Variants in LHFPL3 observed in about 807,000 individuals in gnomAD.
LHFPL3 encodes the protein LHFPL tetraspan subfamily member 3 protein.
A neutral mutation model predicts 19.3 loss-of-function variants in LHFPL3; 5 were observed. That is an observed-to-expected ratio of 0.26 (90% CI 0.14 to 0.54). LHFPL3 has a LOEUF of 0.54. Ranked by LOEUF, LHFPL3 falls within the 20% of genes least tolerant of loss-of-function variation. The pLI is 0.94. For missense variants in LHFPL3, 249 were observed against 307.4 expected, an observed-to-expected ratio of 0.81 and a Z score of 1.42; for synonymous variants, 133 against 126.2, an observed-to-expected ratio of 1.05 and a Z score of -0.36.
Position 104,773,328 on chromosome 7 carries a change from C to T in LHFPL3, c.682+36417C>T, listed in dbSNP as rs193012215. Among the ~76,000 whole-genome samples the T allele has an allele frequency of 3.4e-4, 52 of 152,336 alleles. No homozygotes were observed. In the Middle Eastern group the frequency reaches 0.014, roughly 40 times the overall value. On this transcript the variant is annotated intron_variant, in intron 2 of 2. Transcript: ENST00000424859. Reference sequence around the variant, plus strand: ...AGGAAGGACTTCCTGTGCCTGGTTACAGTCAGCTCTGTAATGGGGAAGTAA... The same window carrying T: ...AGGAAGGACTTCCTGTGCCTGGTTATAGTCAGCTCTGTAATGGGGAAGTAA...
chr7:104,729,050 C>A (rs1036969471), intron 1 of LHFPL3, among the ~76,000 whole-genome samples: 2 of 152,166 alleles, frequency 1.3e-5, no homozygotes, highest in African/African-American at 4.8e-5. Context: ...AGAATTAACA[C>A]AGTGATATTT....
intron 1 of LHFPL3, among the ~76,000 whole-genome samples, chr7:104,721,886 T>C (rs576278668): frequency 2.6e-5 from 4 of 152,310 alleles, no homozygotes; most frequent in African/African-American, 7.2e-5. Flanking sequence ...AAATATTAGC[T>C]ATTATTATGA....
intron 1 of LHFPL3, among the ~76,000 whole-genome samples, chr7:104,570,026 T>C (rs878948358): frequency 9.2e-5 from 14 of 152,250 alleles, no homozygotes; most frequent in Admixed American, 8.5e-4. Context: ...TAGAGTCTTA[T>C]GCGAAAATGC....
At chr7:104,523,623 A>G (rs1252199152) in intron 1 of LHFPL3, among the ~76,000 whole-genome samples, 1 of 152,170 alleles carries the variant, frequency 6.6e-6, no homozygotes, top group Non-Finnish European at 1.5e-5. Flanking sequence ...TGTTTAGTAC[A>G]CATATAGTCA....
intron 1 of LHFPL3, among the ~76,000 whole-genome samples, chr7:104,625,497 C>T (rs1265284534): frequency 6.6e-6 from 1 of 152,162 alleles, no homozygotes; most frequent in Non-Finnish European, 1.5e-5. Context: ...AGAAAAGTAA[C>T]ACTTGGTATT....
At chr7:104,564,169 A>AT (rs1790074496) in intron 1 of LHFPL3, among the ~76,000 whole-genome samples, 1 of 152,150 alleles carries the variant, frequency 6.6e-6, no homozygotes, top group South Asian at 2.1e-4. Context: ...CAGAATCAGG[A>AT]TTTTCACTTA....
At chr7:104,687,274 G>A (rs1017425435) in intron 1 of LHFPL3, among the ~76,000 whole-genome samples, 3 of 152,222 alleles carry the variant, frequency 2.0e-5, no homozygotes, top group Non-Finnish European at 2.9e-5. Context: ...TATGGGAGAA[G>A]GGACGCAGAA....
At chr7:104,537,513 A>C (rs1794412745) in intron 1 of LHFPL3, among the ~76,000 whole-genome samples, 1 of 152,068 alleles carries the variant, frequency 6.6e-6, no homozygotes, top group Admixed American at 6.6e-5. Flanking sequence ...TAGGTGCATC[A>C]CTCATATCTG....
intron 2 of LHFPL3, among the ~76,000 whole-genome samples, chr7:104,839,574 C>T (rs777991331): frequency 8.6e-5 from 13 of 151,948 alleles, no homozygotes; most frequent in Non-Finnish European, 1.8e-4. Flanking sequence ...GAGGCTGAGG[C>T]ACAAGAGTCA....
chr7:104,603,857 T>G (rs140106866), intron 1 of LHFPL3, among the ~76,000 whole-genome samples: 2 of 152,272 alleles, frequency 1.3e-5, no homozygotes, highest in African/African-American at 4.8e-5. Flanking sequence ...GGGGTGGGGG[T>G]TGAGCCACCC....
chr7:104,504,643 T>G (rs541036067), intron 1 of LHFPL3, among the ~76,000 whole-genome samples: 50 of 152,320 alleles, frequency 3.3e-4, no homozygotes, highest in Non-Finnish European at 5.6e-4. Flanking sequence ...TTGATTCCAA[T>G]ACACACTACA....
chr7:104,557,593 A>G (rs1789873386), intron 1 of LHFPL3, among the ~76,000 whole-genome samples: 1 of 152,204 alleles, frequency 6.6e-6, no homozygotes, highest in African/African-American at 2.4e-5. Context: ...CAGCCAAACC[A>G]TATCAGCATC....
At chr7:104,707,997 T>C (rs1249071802) in intron 1 of LHFPL3, among the ~76,000 whole-genome samples, 4 of 152,202 alleles carry the variant, frequency 2.6e-5, no homozygotes, top group Non-Finnish European at 4.4e-5. Flanking sequence ...CTAGAATACA[T>C]CAGCAGTCAA....
intron 1 of LHFPL3, among the ~76,000 whole-genome samples, chr7:104,608,726 C>G (rs1213622997): frequency 6.6e-6 from 1 of 152,070 alleles, no homozygotes. Flanking sequence ...GGAGCATGCC[C>G]TTGTTTTTTT....
At chr7:104,434,534 C>A (rs535906053) in intron 1 of LHFPL3, among the ~76,000 whole-genome samples, 2 of 152,060 alleles carry the variant, frequency 1.3e-5, no homozygotes, top group South Asian at 2.1e-4. Flanking sequence ...TATTTTCAAC[C>A]AAAAAAAGTG....
chr7:104,588,888 G>A (rs1219777757), intron 1 of LHFPL3, among the ~76,000 whole-genome samples: 3 of 135,374 alleles, frequency 2.2e-5, no homozygotes, highest in African/African-American at 8.3e-5. Flanking sequence ...AATTGTGAAT[G>A]GGAATTCACT....
chr7:104,714,597 C>T (rs988719857), intron 1 of LHFPL3, among the ~76,000 whole-genome samples: 18 of 151,326 alleles, frequency 1.2e-4, no homozygotes, highest in African/African-American at 4.1e-4. Flanking sequence ...CTTAAACATC[C>T]GAAGGGTGAG....
intron 1 of LHFPL3, among the ~76,000 whole-genome samples, chr7:104,682,825 G>C (rs138982045): frequency 2.0e-5 from 3 of 152,212 alleles, no homozygotes; most frequent in African/African-American, 7.2e-5. Context: ...AATTCAGGGG[G>C]AATCATTTTC....
chr7:104,548,881 C>G (rs1794619210), intron 1 of LHFPL3, among the ~76,000 whole-genome samples: 1 of 152,150 alleles, frequency 6.6e-6, no homozygotes, highest in Non-Finnish European at 1.5e-5. Context: ...GCCTGGCTCC[C>G]TGCACAAAAC....
Sources: allele counts gnomAD v4.1 joint callset (sites outside exome capture counted in the v4.1 genomes callset), GRCh38; gene constraint gnomAD v4.1.1; transcripts MANE v1.5; gene names NCBI Gene and HGNC (gene_info 2026-07-23, HGNC 2026-07-21).